Variants in PABPC1L observed in about 807,000 individuals in gnomAD.
PABPC1L encodes polyadenylate-binding protein 1-like.
Under a neutral mutation model 66.6 loss-of-function variants are expected in PABPC1L, and 31 were observed. The ratio of observed to expected loss-of-function variants is 0.47; its 90% confidence interval spans 0.35 to 0.63. The LOEUF (loss-of-function observed/expected upper bound fraction) is 0.63, where lower values mean the gene tolerates loss of function less well. Among genes scored for constraint, PABPC1L ranks in the 20% least tolerant of loss-of-function variants. The pLI is 0.00. For synonymous variants in PABPC1L, 348 were observed against 335.1 expected, an observed-to-expected ratio of 1.04 and a Z score of -0.42; for missense variants, 722 against 848.8, an observed-to-expected ratio of 0.85 and a Z score of 1.86.
chr20:44,920,083 G>A (rs544504699), intron 5 of PABPC1L, among the ~76,000 whole-genome samples: 139 of 152,228 alleles, frequency 9.1e-4, no homozygotes, highest in African/African-American at 3.2e-3. Context: ...CACATGAACA[G>A]CCTCTGCCAT....
chr20:44,922,546 A>G (rs73296539), intron 6 of PABPC1L, among the ~76,000 whole-genome samples: 4 of 151,486 alleles, frequency 2.6e-5, no homozygotes, highest in African/African-American at 9.7e-5. Flanking sequence ...TCATTTTTGT[A>G]TTTTTAATAG....
chr20:44,936,649 G>A lies in PABPC1L; in HGVS notation c.1579G>A (p.Ala527Thr), dbSNP rs776752444. The A allele has an allele frequency of 1.4e-5, 22 of 1,598,476 alleles. No individual in the cohort carries two copies. The highest frequency in any genetic ancestry group is 1.9e-5 in the Non-Finnish European group (22 of 1,173,738). The change falls in exon 12 of 15, where the codon GCT (alanine) becomes ACT (threonine). Residue 527 changes from alanine (A) to threonine (T), a missense_variant. By Grantham distance (58) the Ala-to-Thr change is moderately conservative. Coordinates refer to ENST00000217073, the MANE Select transcript of PABPC1L (RefSeq NM_001372179.1). ...AHSTYRVQEP[A>T]VHIPGQEPLT... ...CGGCACCATGCAGGTCCAGGAGCCG[G>A]CTGTGCACATCCCAGGACAGGAGCC...
chr20:44,913,825 G>A (rs1245996979), intron 2 of PABPC1L, among the ~76,000 whole-genome samples: 1 of 152,150 alleles, frequency 6.6e-6, no homozygotes, highest in Non-Finnish European at 1.5e-5. Flanking sequence ...GGGCCATCAA[G>A]GCAATTAAGT....
chr20:44,929,310 G>T (rs1184595379), intron 7 of PABPC1L, among the ~76,000 whole-genome samples: 3 of 152,050 alleles, frequency 2.0e-5, no homozygotes, highest in Admixed American at 1.3e-4. Context: ...AATGCCATGT[G>T]GGTTGGATCC....
intron 8 of PABPC1L, 175 bp from the exon 9 acceptor site, chr20:44,932,167 G>A: frequency 2.1e-6 from 1 of 468,756 alleles, no homozygotes; most frequent in Non-Finnish European, 3.8e-6. Context: ...AGGATTCAGG[G>A]CTAATGGACA....
At chr20:44,912,518 G>T in intron 1 of PABPC1L, 142 bp from the exon 2 acceptor site, 1 of 670,792 alleles carries the variant, frequency 1.5e-6, no homozygotes, top group South Asian at 2.2e-5. Flanking sequence ...CAGTTATTTG[G>T]GCTCTTATCT....
chr20:44,910,176 C>A lies in PABPC1L; in HGVS notation c.33C>A (p.Ala11=). The A allele has an allele frequency of 6.3e-7, 1 of 1,578,278 alleles. No homozygotes were observed. The highest frequency in any genetic ancestry group is 2.4e-5 in the East Asian group (1 of 42,364). Residue 11 remains alanine, a synonymous_variant, in exon 1 of 15, where the codon GCC becomes GCA. Coordinates refer to ENST00000217073, the MANE Select transcript of PABPC1L (RefSeq NM_001372179.1). Reference sequence around the variant, plus strand: ...CCAGCGGTTCTGGCTACCCGCTTGCCTCGCTTTACGTGGGCGATCTGCACC... The same window carrying A: ...CCAGCGGTTCTGGCTACCCGCTTGCATCGCTTTACGTGGGCGATCTGCACC... MNASGSGYPL[A]SLYVGDLHPD...
intron 1 of PABPC1L, among the ~76,000 whole-genome samples, chr20:44,911,452 A>G (rs2066704315): frequency 6.6e-6 from 1 of 152,236 alleles, no homozygotes. Context: ...CAACAGAGCG[A>G]GACTCCATCT....
Position 44,919,194 on chromosome 20 carries a change from A to T in PABPC1L, c.655A>T (p.Ser219Cys). Residue 219 changes from serine (S) to cysteine (C), a missense_variant, in exon 5 of 15, where the codon AGT becomes TGT. Transcript: ENST00000217073. ...TTGGTCCTTTGCAGGGAAAATGCTG[A>T]GTGTGAAGGTGATGAGGGACAACAG... is the stretch of plus-strand genomic sequence containing the variant. ...DLFSQFGKMLSVKVMRDNSGH... is the reference protein window; with the variant it reads ...DLFSQFGKMLCVKVMRDNSGH... 2 of 1,614,054 alleles carry T rather than the reference A, an allele frequency of 1.2e-6. No homozygotes were observed. Among genetic ancestry groups the T allele is most frequent in the Non-Finnish European group, 1.7e-6 (2 of 1,180,008 alleles).
intron 8 of PABPC1L, among the ~76,000 whole-genome samples, chr20:44,931,139 G>A (rs1356354998): frequency 1.6e-5 from 2 of 122,890 alleles, no homozygotes; most frequent in Non-Finnish European, 3.5e-5. Flanking sequence ...AGGCTGGTGA[G>A]CAATGGCGTG....
In PABPC1L at chr20:44,918,309, G is replaced by A. The variant is rs150467881; in HGVS notation, c.504-597G>A. 1.2e-3 allele frequency among the ~76,000 whole-genome samples: 183 copies of A among 152,262 alleles called. 1 individual carries two copies. The highest frequency in any genetic ancestry group is 4.1e-3 in the African/African-American group (170 of 41,542). On this transcript the variant is annotated intron_variant, in intron 3 of 14. Coordinates refer to ENST00000217073, the MANE Select transcript of PABPC1L (RefSeq NM_001372179.1). The stretch of plus-strand genomic sequence containing the variant: ...GGCACCACTGTACTCCAGCCTGGGC[G>A]ATAGAGCGAAACTCAGTGTCAAAAA...
intron 7 of PABPC1L, 141 bp downstream of exon 7, chr20:44,924,397 AC>A: frequency 1.6e-6 from 1 of 629,322 alleles, no homozygotes. Flanking sequence ...GGCTCTGCTG[AC>A]CCCGTTGGAG....
chr20:44,930,315 CAG>C lies in PABPC1L; in HGVS notation c.973-144_973-143del, dbSNP rs372457818. On this transcript the variant is annotated intron_variant, in intron 7 of 14. Coordinates refer to ENST00000217073, the MANE Select transcript of PABPC1L (RefSeq NM_001372179.1). ...CATCCCTCGAACACAGCTTAGTAAA[CAG>C]GGGTGCACGCTACATCCCTCCATCA... 9.7e-3 allele frequency: 11,081 copies of C among 1,137,564 alleles called. 114 individuals carry two copies. Among genetic ancestry groups the C allele is most frequent in the South Asian group, 0.025 (1,668 of 66,710 alleles). The allele number at this position is 1,137,564 out of a possible 1,614,324, so 70.5% of individuals were successfully genotyped here. A position where few individuals can be genotyped will look rare whatever the true frequency, so the allele number is the denominator to read the frequency against.
chr20:44,924,521 T>C (rs1476142761), intron 7 of PABPC1L, among the ~76,000 whole-genome samples: 1 of 152,232 alleles, frequency 6.6e-6, no homozygotes, highest in Admixed American at 6.5e-5. Flanking sequence ...ATTGAGTGCC[T>C]ACTGTATGCC....
Position 44,912,854 on chromosome 20 carries a change from G to T in PABPC1L, c.387+1G>T. 6.2e-7 allele frequency: 1 copy of T among 1,613,022 alleles called. No homozygotes were observed. Among genetic ancestry groups the T allele is most frequent in the Non-Finnish European group, 8.5e-7 (1 of 1,179,104 alleles). On this transcript the variant is annotated splice_donor_variant, in intron 2 of 14. Transcript: ENST00000217073. LOFTEE classifies it high-confidence loss of function. ...CTTTGGGAACATCCTCTCTTGCAAG[G>T]TAGAGGATGAAGGGTGTACGTCTTT...
chr20:44,918,224 G>C (rs2066750015), intron 3 of PABPC1L, among the ~76,000 whole-genome samples: 1 of 152,210 alleles, frequency 6.6e-6, no homozygotes, highest in African/African-American at 2.4e-5. Context: ...TACTTGGAAG[G>C]CTGAGTGAAG....
rs144830323 is a variant in PABPC1L at position 44,913,865 on chromosome 20, C to T, written c.387+1012C>T. 7.2e-5 allele frequency among the ~76,000 whole-genome samples: 11 copies of T among 152,294 alleles called. No individual in the cohort carries two copies. The East Asian group carries it at 7.7e-4, about 11-fold the overall frequency. ...GAATCTTGTTTTTAAGATTGTCTTA[C>T]ATTAGATGTAAGTTCCATCAGTGAT... On this transcript the variant is annotated intron_variant, in intron 2 of 14. Coordinates refer to ENST00000217073, the MANE Select transcript of PABPC1L (RefSeq NM_001372179.1).
intron 5 of PABPC1L, among the ~76,000 whole-genome samples, chr20:44,920,328 C>G (rs1218778161): frequency 6.6e-6 from 1 of 152,146 alleles, no homozygotes; most frequent in African/African-American, 2.4e-5. Context: ...CCCCTTAACC[C>G]CTGGCAACCA....
At chr20:44,938,994 G>C in intron 14 of PABPC1L, 132 bp from the exon 15 acceptor site, 1 of 677,434 alleles carries the variant, frequency 1.5e-6, no homozygotes, top group Non-Finnish European at 2.7e-6. Context: ...GAATAGTTTG[G>C]GCTTTCCCAG....
Sources: gnomAD v4.1 joint callset for allele counts (sites outside exome capture counted in the v4.1 genomes callset) on GRCh38, gnomAD v4.1.1 for gene constraint, MANE v1.5 for transcripts, NCBI Gene and HGNC (gene_info 2026-07-23, HGNC 2026-07-21) for gene names.